Variants in LPP observed in about 807,000 individuals in gnomAD.
LPP encodes the protein lipoma-preferred partner.
Under a neutral mutation model 60.4 loss-of-function variants are expected in LPP, and 38 were observed. That is an observed-to-expected ratio of 0.63 (90% CI 0.49 to 0.83). The LOEUF (loss-of-function observed/expected upper bound fraction) is 0.83, where lower values mean the gene tolerates loss of function less well. Ranked by LOEUF, LPP falls within the 40% of genes least tolerant of loss-of-function variation. The probability of loss-of-function intolerance (pLI) is 0.00; values close to 1 mark genes in which losing one functional copy is unlikely to be tolerated. For synonymous variants in LPP, 328 were observed against 290.8 expected, an observed-to-expected ratio of 1.13 and a Z score of -1.30; for missense variants, 902 against 783.6, an observed-to-expected ratio of 1.15 and a Z score of -1.80.
At chr3:188,577,868 TCCC>T (rs1835128714) in intron 6 of LPP, among the ~76,000 whole-genome samples, 1 of 133,004 alleles carries the variant, frequency 7.5e-6, no homozygotes, top group African/African-American at 2.8e-5. Context: ...TCTTTTCCTC[TCCC>T]CCTTCTGTCT....
rs187285228 is a variant in LPP, at chr3:188,601,994, C to T, written c.430-7167C>T. 3.9e-3 allele frequency among the ~76,000 whole-genome samples: 578 copies of T among 149,432 alleles called. 10 individuals are homozygous for T. The highest frequency in any genetic ancestry group is 3.5e-3 in the Middle Eastern group (1 of 288). Reference sequence around the variant, plus strand: ...TTGACACAAGAATTCCTTGAACACGCGAGGCAGAGGTTGCAGTGAGCTGAG... The same window carrying T: ...TTGACACAAGAATTCCTTGAACACGTGAGGCAGAGGTTGCAGTGAGCTGAG... On this transcript the variant is annotated intron_variant, in intron 6 of 11. Coordinates refer to ENST00000617246, the MANE Select transcript of LPP (RefSeq NM_001375462.1).
intron 1 of LPP, among the ~76,000 whole-genome samples, chr3:188,176,481 G>A (rs1005515118): frequency 3.9e-5 from 6 of 152,098 alleles, no homozygotes; most frequent in Admixed American, 2.6e-4. Flanking sequence ...AGATTGTCCT[G>A]CAACAATATT....
intron 1 of LPP, among the ~76,000 whole-genome samples, chr3:188,199,474 G>A (rs1019610717): frequency 1.3e-5 from 2 of 152,072 alleles, no homozygotes; most frequent in Admixed American, 6.6e-5. Flanking sequence ...GGAGCTGCAC[G>A]GAGGTAGAGC....
At chr3:188,368,719 C>CACACACACAGAGAG (rs1257085181) in intron 3 of LPP, among the ~76,000 whole-genome samples, 6 of 99,522 alleles carry the variant, frequency 6.0e-5, no homozygotes, top group Non-Finnish European at 2.4e-5. Context: ...CACACACACA[C>CACACACACAGAGAG]AGAGAGAGAG....
chr3:188,223,073 A>G (rs7640030), intron 1 of LPP, among the ~76,000 whole-genome samples: 2,678 of 152,242 alleles, frequency 0.018, 74 homozygotes, highest in African/African-American at 0.059. Context: ...AAAATACTCA[A>G]GGCCAACTCC....
chr3:188,808,071 T>TTTG (rs1222609973), intron 9 of LPP, among the ~76,000 whole-genome samples: 2 of 152,150 alleles, frequency 1.3e-5, no homozygotes, highest in Admixed American at 6.5e-5. Context: ...ATTTGAATTT[T>TTTG]TTGTTGTTGT....
chr3:188,293,394 G>A (rs1160567032), intron 2 of LPP, among the ~76,000 whole-genome samples: 2 of 152,196 alleles, frequency 1.3e-5, no homozygotes, highest in Non-Finnish European at 2.9e-5. Context: ...TTTGTATACT[G>A]AAACAATAAA....
At chr3:188,359,298 G>A (rs1434024049) in intron 3 of LPP, among the ~76,000 whole-genome samples, 1 of 152,186 alleles carries the variant, frequency 6.6e-6, no homozygotes, top group African/African-American at 2.4e-5. Flanking sequence ...ACAAACTTGA[G>A]GAGCTGCAGC....
intron 4 of LPP, among the ~76,000 whole-genome samples, chr3:188,453,213 G>A (rs1282837711): frequency 1.3e-5 from 2 of 151,876 alleles, no homozygotes; most frequent in East Asian, 1.9e-4. Context: ...CCCTGGCATC[G>A]TGCCCCCTTG....
chr3:188,305,916 G>A (rs1011894236), intron 2 of LPP, among the ~76,000 whole-genome samples: 33 of 152,112 alleles, frequency 2.2e-4, no homozygotes, highest in African/African-American at 7.7e-4. Flanking sequence ...AAATATTCTC[G>A]TTGGTGCGGG....
In LPP at chr3:188,888,571, G is replaced by A; in HGVS notation, c.*14092G>A. 1 of 226,120 alleles carries A rather than the reference G, an allele frequency of 4.4e-6. No individual in the cohort carries two copies. Among genetic ancestry groups the A allele is most frequent in the Admixed American group, 5.7e-5 (1 of 17,558 alleles). 14.0% of individuals were successfully genotyped at this position (226,120 alleles called of 1,614,324 possible). ...ACACATCAGCAAAGTGAGAAGATGA[G>A]CACTAAATATAGGCTCTATTAACTT... On this transcript the variant is annotated 3_prime_UTR_variant, in exon 12 of 12. Coordinates refer to ENST00000617246, the MANE Select transcript of LPP (RefSeq NM_001375462.1).
At chr3:188,752,529 T>G (rs566585463) in intron 8 of LPP, among the ~76,000 whole-genome samples, 20 of 152,320 alleles carry the variant, frequency 1.3e-4, no homozygotes, top group Admixed American at 6.5e-4. Flanking sequence ...TTTGTTGTGG[T>G]GGTGGTGATG....
At chr3:188,241,070 G>A (rs1577486553) in intron 2 of LPP, among the ~76,000 whole-genome samples, 2 of 152,188 alleles carry the variant, frequency 1.3e-5, no homozygotes, top group African/African-American at 4.8e-5. Flanking sequence ...CATGTGAAAT[G>A]GGCACAGTTT....
At chr3:188,265,550 G>A (rs1735187694) in intron 2 of LPP, among the ~76,000 whole-genome samples, 1 of 152,198 alleles carries the variant, frequency 6.6e-6, no homozygotes. Context: ...GCTGTGAGAA[G>A]GCAAGGTGTT....
At chr3:188,599,874 A>G (rs1007459343) in intron 6 of LPP, among the ~76,000 whole-genome samples, 1 of 151,224 alleles carries the variant, frequency 6.6e-6, no homozygotes, top group East Asian at 1.9e-4. Flanking sequence ...GGTGGCACCA[A>G]CTAAAATTGT....
intron 2 of LPP, among the ~76,000 whole-genome samples, chr3:188,271,320 C>T (rs1482438527): frequency 2.0e-5 from 3 of 152,202 alleles, no homozygotes; most frequent in African/African-American, 7.2e-5. Context: ...GCAGGGACAG[C>T]TGTGCACTAA....
chr3:188,220,865 A>C (rs895521295), intron 1 of LPP, among the ~76,000 whole-genome samples: 7 of 152,056 alleles, frequency 4.6e-5, no homozygotes, highest in Admixed American at 2.6e-4. Context: ...CTGCCCCCCG[A>C]CTTCTCTGTG....
rs1300408289 is a variant in LPP at position 188,552,137 on chromosome 3, CTAA to C, written c.429+27352_429+27354del. Among the ~76,000 whole-genome samples, 3 of 152,294 alleles carry C rather than the reference CTAA, an allele frequency of 2.0e-5. No homozygotes were observed. In the East Asian group the frequency reaches 5.8e-4, roughly 29 times the overall value. ...ATAATCTCCAAAATTGTGACCAGCT[CTAA>C]TGTTTTACAATTCCCAGAATTATTA... is the stretch of plus-strand genomic sequence containing the variant. On this transcript the variant is annotated intron_variant, in intron 6 of 11. Transcript: ENST00000617246.
chr3:188,377,750 G>T (rs1775596770), intron 3 of LPP, among the ~76,000 whole-genome samples: 1 of 152,196 alleles, frequency 6.6e-6, no homozygotes, highest in Non-Finnish European at 1.5e-5. Context: ...TGCTGGTGAG[G>T]AGCTGTGTTC....
Sources: gnomAD v4.1 joint callset for allele counts (sites outside exome capture counted in the v4.1 genomes callset) on GRCh38, gnomAD v4.1.1 for gene constraint, MANE v1.5 for transcripts, NCBI Gene and HGNC (gene_info 2026-07-23, HGNC 2026-07-21) for gene names.